Variants in METTL16 observed in about 807,000 individuals in gnomAD.
METTL16 encodes RNA N(6)-adenosine-methyltransferase METTL16.
In METTL16, 19 loss-of-function variants were observed where a neutral mutation model predicts 57.9. The ratio of observed to expected loss-of-function variants is 0.33; its 90% confidence interval spans 0.23 to 0.48. METTL16 has a LOEUF of 0.48. Ranked by LOEUF, METTL16 falls within the 20% of genes least tolerant of loss-of-function variation. The pLI, the probability that METTL16 is intolerant of heterozygous loss-of-function variation, is 0.99. For missense variants in METTL16, 434 were observed against 691.5 expected, an observed-to-expected ratio of 0.63 and a Z score of 4.18; for synonymous variants, 246 against 255.6, an observed-to-expected ratio of 0.96 and a Z score of 0.36.
chr17:2,496,324 G>T (rs2067445301), intron 2 of METTL16, among the ~76,000 whole-genome samples: 1 of 151,382 alleles, frequency 6.6e-6, no homozygotes. Flanking sequence ...TTAGAGATGG[G>T]TCTCACCTTG....
chr17:2,482,391 G>A (rs943069200), intron 2 of METTL16, among the ~76,000 whole-genome samples: 1 of 152,164 alleles, frequency 6.6e-6, no homozygotes, highest in African/African-American at 2.4e-5. Flanking sequence ...CTGGCACTGA[G>A]CAGTTAAGCC....
At chr17:2,489,744 A>AAAAAAAAAAAC (rs1204756186) in intron 2 of METTL16, among the ~76,000 whole-genome samples, 1 of 150,382 alleles carries the variant, frequency 6.6e-6, no homozygotes, top group African/African-American at 2.4e-5. Flanking sequence ...AAAAAAAAAA[A>AAAAAAAAAAAC]AAAAACGAAT....
chr17:2,434,049 G>A (rs1370280211), intron 8 of METTL16, among the ~76,000 whole-genome samples: 1 of 152,144 alleles, frequency 6.6e-6, no homozygotes, highest in Non-Finnish European at 1.5e-5. Flanking sequence ...TGTCTGATTT[G>A]TTTATCATCA....
At chr17:2,447,483 C>T (rs1297308625) in intron 6 of METTL16, among the ~76,000 whole-genome samples, 2 of 131,190 alleles carry the variant, frequency 1.5e-5, no homozygotes, top group East Asian at 2.2e-4. Flanking sequence ...CCAGCCGCCC[C>T]GTCCGGGAGG....
chr17:2,470,595 G>A (rs1186728275), intron 4 of METTL16, among the ~76,000 whole-genome samples: 11 of 152,100 alleles, frequency 7.2e-5, no homozygotes, highest in Admixed American at 7.2e-4. Context: ...AATCACTCAA[G>A]CCCAGGAGTT....
At chr17:2,475,910 A>T (rs2067265575) in intron 3 of METTL16, among the ~76,000 whole-genome samples, 1 of 152,204 alleles carries the variant, frequency 6.6e-6, no homozygotes, top group African/African-American at 2.4e-5. Context: ...ATTAAAATCA[A>T]ATTAGTACCA....
At position 2,420,459 on chromosome 17, in the gene METTL16, C is replaced by T. The variant is rs1377636285; in HGVS notation, c.1200G>A (p.Glu400=). The T allele has an allele frequency of 1.9e-6, 3 of 1,614,002 alleles. No homozygotes were observed. Among genetic ancestry groups the T allele is most frequent in the African/African-American group, 1.3e-5 (1 of 74,936 alleles). The change falls in exon 10 of 10, where the codon GAG becomes GAA. Residue 400 remains glutamate (E), a synonymous_variant. Transcript: ENST00000263092. The surrounding 1 kb of genome is among the most constrained non-coding windows in gnomAD (Gnocchi z 5.4). ...TCTCTTCCAAGGCCTGAATGACGTC[C>T]TCAGGAGCTCGGGGAACTTCTCTCA... ...RQLREVPRAP[E]DVIQALEEKK...
chr17:2,490,275 CA>C (rs1357169315), intron 2 of METTL16, among the ~76,000 whole-genome samples: 3 of 152,048 alleles, frequency 2.0e-5, no homozygotes, highest in African/African-American at 7.2e-5. Context: ...TCTCTTCATA[CA>C]AGTGTATGTG....
At chr17:2,462,328 A>C (rs1466840501) in intron 6 of METTL16, among the ~76,000 whole-genome samples, 3 of 152,200 alleles carry the variant, frequency 2.0e-5, no homozygotes, top group African/African-American at 7.2e-5. Flanking sequence ...CTCAGGAAGG[A>C]GAGAATAGGA....
At chr17:2,434,149 T>A (rs1354261388) in intron 8 of METTL16, among the ~76,000 whole-genome samples, 1 of 152,214 alleles carries the variant, frequency 6.6e-6, no homozygotes, top group Non-Finnish European at 1.5e-5. Flanking sequence ...GTCCATCTTG[T>A]AGCATAATGC....
At chr17:2,457,766 T>C (rs2067122265) in intron 6 of METTL16, among the ~76,000 whole-genome samples, 1 of 152,048 alleles carries the variant, frequency 6.6e-6, no homozygotes, top group Non-Finnish European at 1.5e-5. Context: ...ATTATTATTA[T>C]GTCAAATATG....
chr17:2,470,138 C>T (rs1381274243), intron 4 of METTL16, among the ~76,000 whole-genome samples: 4 of 152,102 alleles, frequency 2.6e-5, no homozygotes, highest in Non-Finnish European at 5.9e-5. Flanking sequence ...GAACTCATGG[C>T]CAACAGCACT....
intron 6 of METTL16, among the ~76,000 whole-genome samples, chr17:2,455,717 C>T (rs928133010): frequency 2.0e-5 from 3 of 152,106 alleles, no homozygotes; most frequent in Non-Finnish European, 2.9e-5. Flanking sequence ...CAATGGTTCA[C>T]GCCTGTAACC....
rs189632735 is a variant in METTL16 at position 2,421,369 on chromosome 17, A to T, written c.889-465T>A. Among the ~76,000 whole-genome samples the T allele has an allele frequency of 3.8e-3, 585 of 152,176 alleles. 3 individuals are homozygous for T. The highest frequency in any genetic ancestry group is 0.01 in the African/African-American group (433 of 41,516). ...GACCCTGTCTCTTAAGAAAAAAAAA[A>T]TTTTTAATTAAAAAAATAAGAACCC... On this transcript the variant is annotated intron_variant, in intron 8 of 9. Transcript: ENST00000263092.
chr17:2,430,258 G>A (rs951011014), intron 8 of METTL16, among the ~76,000 whole-genome samples: 13 of 151,478 alleles, frequency 8.6e-5, no homozygotes, highest in African/African-American at 2.7e-4. Context: ...GACTTCAGGC[G>A]CATACCACCA....
At chr17:2,484,411 T>G in intron 2 of METTL16, among the ~76,000 whole-genome samples, 1 of 152,042 alleles carries the variant, frequency 6.6e-6, no homozygotes, top group East Asian at 1.9e-4. Flanking sequence ...AGTCTGTGGT[T>G]AAGCAGCCAG....
intron 6 of METTL16, among the ~76,000 whole-genome samples, chr17:2,457,199 G>A (rs565164843): frequency 7.3e-5 from 11 of 151,516 alleles, no homozygotes; most frequent in South Asian, 2.1e-4. Flanking sequence ...TTAGCTGGGC[G>A]TGGTGACGGG....
At position 2,438,092 on chromosome 17, in the gene METTL16, G is replaced by A. The variant is rs941051233; in HGVS notation, c.888+17C>T. 1.3e-6 allele frequency: 2 copies of A among 1,587,376 alleles called. No individual in the cohort carries two copies. The highest frequency in any genetic ancestry group is 1.7e-5 in the Admixed American group (1 of 59,908). ...ATGTGCTGGCAGGTGGTGAAGCGGA[G>A]CAAGGTCTGTACTTACTGGTACTGT... is the stretch of plus-strand genomic sequence containing the variant. On this transcript the variant is annotated intron_variant, in intron 8 of 9. Transcript: ENST00000263092.
chr17:2,506,713 C>A (rs1347125479), intron 1 of METTL16, among the ~76,000 whole-genome samples: 1 of 152,152 alleles, frequency 6.6e-6, no homozygotes, highest in Non-Finnish European at 1.5e-5. Context: ...GCCACCCCGT[C>A]TGGGAAGTGA....
Sources: gnomAD v4.1 joint callset for allele counts (sites outside exome capture counted in the v4.1 genomes callset) on GRCh38, gnomAD v4.1.1 for gene constraint, Gnocchi (gnomAD v3.1) non-coding constraint, MANE v1.5 for transcripts, NCBI Gene and HGNC (gene_info 2026-07-23, HGNC 2026-07-21) for gene names.